The following SPAG16 variants were observed in gnomAD, a reference collection of about 807,000 sequenced individuals.
The protein encoded by SPAG16 is sperm-associated antigen 16 protein.
In SPAG16, 86 loss-of-function variants were observed where a neutral mutation model predicts 80.4. The observed-to-expected ratio is 1.07, with a 90% CI of 0.90 to 1.28. SPAG16 has a LOEUF of 1.28. Ranked by LOEUF, SPAG16 falls within the 50% of genes most tolerant of loss-of-function variation. SPAG16 has a pLI of 0.00. For synonymous variants in SPAG16, 294 were observed against 265.9 expected (o/e 1.11, Z -1.03); for missense variants, 870 against 765.3 (o/e 1.14, Z -1.61).
rs192851332 is a variant in SPAG16 at position 213,766,317 on chromosome 2, G to T, written c.1071-96168G>T. Among the ~76,000 whole-genome samples, 24 of 152,278 alleles carry T rather than the reference G, an allele frequency of 1.6e-4. No individual in the cohort carries two copies. The East Asian group carries it at 4.2e-3, about 27-fold the overall frequency. On this transcript the variant is annotated intron_variant, in intron 10 of 15. Coordinates refer to ENST00000331683, the MANE Select transcript of SPAG16 (RefSeq NM_024532.5). ...CAACAATGTTCTGGAGTTAGATAGT[G>T]GTCATGGTTGTACAACCTTGTGACT...
In SPAG16 at chr2:213,756,879, T is replaced by C. The variant is rs770273243; in HGVS notation, c.1071-105606T>C. 9.2e-5 allele frequency among the ~76,000 whole-genome samples: 14 copies of C among 152,338 alleles called. 1 individual carries two copies. The South Asian group carries it at 2.9e-3, about 32-fold the overall frequency. ...TGGCTTTGAGGCAGTTGATAGTAGA[T>C]AGCTTTTTTAAAGAAGTGTTTTTGA... On this transcript the variant is annotated intron_variant, in intron 10 of 15. Coordinates refer to ENST00000331683, the MANE Select transcript of SPAG16 (RefSeq NM_024532.5).
chr2:213,985,744 G>T (rs74355617), intron 12 of SPAG16, among the ~76,000 whole-genome samples: 5,806 of 152,080 alleles, frequency 0.038, 379 homozygotes, highest in African/African-American at 0.13. Flanking sequence ...GATGGAGTAC[G>T]CAAATGGTAA....
intron 15 of SPAG16, among the ~76,000 whole-genome samples, chr2:214,306,757 G>A (rs1694942834): frequency 1.3e-5 from 2 of 152,124 alleles, no homozygotes; most frequent in South Asian, 4.1e-4. Context: ...TTCCTGATGT[G>A]CTGCTAGATT....
intron 10 of SPAG16, among the ~76,000 whole-genome samples, chr2:213,817,256 G>GATATATATATATATAT (rs549146369): frequency 7.1e-5 from 10 of 140,856 alleles, no homozygotes; most frequent in African/African-American, 2.3e-4. Flanking sequence ...TTATATATAT[G>GATATATATATATATAT]ATATATATAT....
At chr2:213,892,345 C>G (rs998118966) in intron 11 of SPAG16, among the ~76,000 whole-genome samples, 11 of 151,980 alleles carry the variant, frequency 7.2e-5, no homozygotes, top group African/African-American at 2.2e-4. Context: ...AAAATCAAAA[C>G]AAGCAAGACA....
chr2:214,018,000 T>C (rs2047674531), intron 13 of SPAG16, among the ~76,000 whole-genome samples: 1 of 152,102 alleles, frequency 6.6e-6, no homozygotes, highest in Non-Finnish European at 1.5e-5. Context: ...ATTTAATGGG[T>C]TTATTTTCTA....
chr2:213,692,754 G>A (rs917718521), intron 10 of SPAG16, among the ~76,000 whole-genome samples: 1 of 150,932 alleles, frequency 6.6e-6, no homozygotes, highest in African/African-American at 2.4e-5. Context: ...AGCTTGCAGT[G>A]AGCCGAGGTC....
intron 10 of SPAG16, among the ~76,000 whole-genome samples, chr2:213,636,675 T>C (rs2062376325): frequency 6.6e-6 from 1 of 152,230 alleles, no homozygotes; most frequent in Non-Finnish European, 1.5e-5. Context: ...TTCACCTCCT[T>C]GGTTAGGTGG....
chr2:214,377,795 G>A (rs182035038), intron 15 of SPAG16, among the ~76,000 whole-genome samples: 204 of 152,242 alleles, frequency 1.3e-3, no homozygotes, highest in African/African-American at 4.1e-3. Context: ...TCTTAGGAAC[G>A]TAGCCATACA....
chr2:214,186,701 T>A (rs1450604987), intron 15 of SPAG16, among the ~76,000 whole-genome samples: 1 of 152,050 alleles, frequency 6.6e-6, no homozygotes, highest in East Asian at 1.9e-4. Context: ...ATTCCTCTCC[T>A]ATGGGATAAA....
chr2:213,566,019 G>A (rs1480916986), intron 10 of SPAG16, among the ~76,000 whole-genome samples: 1 of 152,172 alleles, frequency 6.6e-6, no homozygotes, highest in Non-Finnish European at 1.5e-5. Context: ...AATGGGAATA[G>A]CTTTTAAACT....
intron 13 of SPAG16, among the ~76,000 whole-genome samples, chr2:214,062,374 G>A (rs1269964167): frequency 3.6e-5 from 5 of 140,768 alleles, no homozygotes; most frequent in African/African-American, 8.1e-5. Context: ...AGCTGAGATC[G>A]TGCCACTGCA....
intron 13 of SPAG16, among the ~76,000 whole-genome samples, chr2:214,076,523 GTGTGTGTGTGTGTGTGTGTC>G (rs201631617): frequency 0.15 from 19,032 of 126,094 alleles, 1,352 homozygotes; most frequent in East Asian, 0.29. Context: ...CTGTGTGTGT[GTGTGTGTGTGTGTGTGTGTC>G]TGTGTGTGTG....
intron 15 of SPAG16, among the ~76,000 whole-genome samples, chr2:214,338,837 A>T (rs1248058985): frequency 6.6e-6 from 1 of 152,238 alleles, no homozygotes. Flanking sequence ...TTGCCACTAC[A>T]GAATAGTTGC....
intron 2 of SPAG16, 34 bp downstream of exon 2, chr2:213,296,144 A>G: frequency 1.4e-6 from 2 of 1,430,170 alleles, no homozygotes; most frequent in Non-Finnish European, 2.0e-6. Flanking sequence ...TATTCTGTAA[A>G]TTTATTGCAG....
intron 10 of SPAG16, among the ~76,000 whole-genome samples, chr2:213,626,374 G>A (rs4340451): frequency 0.41 from 62,029 of 151,434 alleles, 13,204 homozygotes; most frequent in Middle Eastern, 0.51. Flanking sequence ...ATTTTTAGGG[G>A]AAAAAAATAG....
intron 10 of SPAG16, among the ~76,000 whole-genome samples, chr2:213,713,211 G>A (rs1000257164): frequency 1.3e-5 from 2 of 152,176 alleles, no homozygotes; most frequent in Non-Finnish European, 2.9e-5. Context: ...TACAATTCAA[G>A]ATGGGATTTG....
chr2:213,951,132 C>T (rs948577141), intron 12 of SPAG16, among the ~76,000 whole-genome samples: 1 of 151,822 alleles, frequency 6.6e-6, no homozygotes, highest in Non-Finnish European at 1.5e-5. Flanking sequence ...TACAAACCTT[C>T]AAGCCTTAGG....
intron 9 of SPAG16, among the ~76,000 whole-genome samples, chr2:213,398,040 G>C (rs116629136): frequency 0.013 from 1,993 of 152,082 alleles, 22 homozygotes; most frequent in South Asian, 0.037. Context: ...AAAAACTCTA[G>C]AGTCATCCCT....
Sources: allele counts gnomAD v4.1 joint callset (sites outside exome capture counted in the v4.1 genomes callset), GRCh38; gene constraint gnomAD v4.1.1; transcripts MANE v1.5; gene names NCBI Gene and HGNC (gene_info 2026-07-23, HGNC 2026-07-21).